Variants in EVL observed in about 807,000 individuals in gnomAD.
EVL encodes ena/VASP-like protein.
A neutral mutation model predicts 59.6 loss-of-function variants in EVL; 21 were observed. The observed-to-expected ratio is 0.35, with a 90% CI of 0.25 to 0.51. The LOEUF (loss-of-function observed/expected upper bound fraction) is 0.51. EVL is among the 20% of genes least tolerant of loss of function. The pLI, the probability that EVL is intolerant of heterozygous loss-of-function variation, is 0.97. For synonymous variants in EVL, 198 were observed against 203.5 expected, an observed-to-expected ratio of 0.97 and a Z score of 0.23; for missense variants, 462 against 546.6, an observed-to-expected ratio of 0.85 and a Z score of 1.54.
chr14:99,986,618 C>T (rs2140174670), intron 1 of EVL, among the ~76,000 whole-genome samples: 1 of 152,232 alleles, frequency 6.6e-6, no homozygotes, highest in East Asian at 1.9e-4. Context: ...GTAATAATTG[C>T]ACAAATATTT....
At position 100,006,023 on chromosome 14, in the gene EVL, C is replaced by CCG. The variant is rs1491188274; in HGVS notation, c.5+33966_5+33967insCG. Among the ~76,000 whole-genome samples the CCG allele has an allele frequency of 1.0e-3, 109 of 107,968 alleles. 1 individual carries two copies. The highest frequency in any genetic ancestry group is 3.3e-3 in the African/African-American group (104 of 31,362). 70.8% of individuals were successfully genotyped at this position (107,968 alleles called of 152,430 possible). A position where few individuals can be genotyped will look rare whatever the true frequency, so the allele number is the denominator to read the frequency against. ...TGCTGGCCATTTCCCCCCCCCCCCC[C>CCG]ACACCGACAACACTTTTGTGTGTGT... On this transcript the variant is annotated intron_variant, in intron 1 of 13. Transcript: ENST00000402714.
intron 1 of EVL, among the ~76,000 whole-genome samples, chr14:100,039,944 A>G (rs747942676): frequency 8.5e-5 from 13 of 152,130 alleles, no homozygotes; most frequent in Non-Finnish European, 8.8e-5. Context: ...ACACTGGGCT[A>G]ATTTTTTAAC....
rs577559402 is a variant in EVL, at chr14:100,043,293, A to ATG, written c.6-41378_6-41377dup. Among the ~76,000 whole-genome samples, 1,077 of 144,506 alleles carry ATG rather than the reference A, an allele frequency of 7.5e-3. 6 individuals carry two copies. The highest frequency in any genetic ancestry group is 0.024 in the Middle Eastern group (7 of 286). 94.8% of individuals were successfully genotyped at this position (144,506 alleles called of 152,430 possible). On this transcript the variant is annotated intron_variant, in intron 1 of 13. Transcript: ENST00000402714. ...TATATATATGTGTGTGTGTATATAT[A>ATG]TGTGTGTGTGTGTGTGTATATGTAT...
At chr14:100,052,448 C>T (rs73347830) in intron 1 of EVL, among the ~76,000 whole-genome samples, 6 of 152,038 alleles carry the variant, frequency 3.9e-5, no homozygotes, top group African/African-American at 1.2e-4. Flanking sequence ...TTGTAGATGT[C>T]ACCTTAAAAA....
intron 1 of EVL, among the ~76,000 whole-genome samples, chr14:99,979,627 T>C (rs1044352200): frequency 1.6e-4 from 24 of 152,038 alleles, no homozygotes; most frequent in Admixed American, 1.6e-3. Flanking sequence ...CCCAGCACTT[T>C]GGGAAGCTGA....
chr14:100,143,631 C>A, intron 13 of EVL, 70 bp from the exon 14 acceptor site: 1 of 1,587,256 alleles, frequency 6.3e-7, no homozygotes, highest in Non-Finnish European at 8.6e-7. Context: ...GCCAGGGGTG[C>A]GGGGCCCTGA....
In EVL at chr14:100,126,694, G is replaced by C. The variant is rs574394605; in HGVS notation, c.423-13G>C. The C allele has an allele frequency of 1.2e-4, 186 of 1,614,078 alleles. 3 individuals carry two copies. The South Asian group carries it at 1.9e-3, about 17-fold the overall frequency. On this transcript the variant is annotated splice_polypyrimidine_tract_variant and intron_variant, in intron 4 of 13. Coordinates refer to ENST00000392920, the MANE Select transcript of EVL (RefSeq NM_016337.3). ...TGGAGGAGTCAGACTGCCCTGCTGT[G>C]ATTACTTTCCAGACAAGTGATGGAG...
At chr14:100,003,970 C>T (rs764632374) in intron 1 of EVL, among the ~76,000 whole-genome samples, 4 of 152,026 alleles carry the variant, frequency 2.6e-5, no homozygotes, top group African/African-American at 7.2e-5. Flanking sequence ...TTTGGGAGGC[C>T]GAGGCAGTGG....
chr14:99,976,180 TTTTATTTATTTATTTATTTATTTA>T (rs141612796), intron 1 of EVL, among the ~76,000 whole-genome samples: 8 of 145,744 alleles, frequency 5.5e-5, no homozygotes, highest in African/African-American at 2.1e-4. Flanking sequence ...CATGGCCAGC[TTTTATTTATTTATTTATTTATTTA>T]TTTATTTATT....
intron 3 of EVL, among the ~76,000 whole-genome samples, chr14:100,113,391 C>T (rs1030758344): frequency 6.6e-6 from 1 of 152,180 alleles, no homozygotes; most frequent in Non-Finnish European, 1.5e-5. Context: ...TCTATATGCT[C>T]AGAACGGTGC....
chr14:100,027,119 T>C (rs1595580047), intron 1 of EVL, among the ~76,000 whole-genome samples: 1 of 152,344 alleles, frequency 6.6e-6, no homozygotes, highest in East Asian at 1.9e-4. Flanking sequence ...TTAATTATTA[T>C]AGATACTAAG....
At chr14:100,079,893 T>C (rs1484614511) in intron 1 of EVL, among the ~76,000 whole-genome samples, 1 of 152,080 alleles carries the variant, frequency 6.6e-6, no homozygotes, top group African/African-American at 2.4e-5. Flanking sequence ...TGCTGCAAGA[T>C]TTTTTCTGCA....
At chr14:100,061,971 A>T (rs1158376178), upstream of EVL, among the ~76,000 whole-genome samples, 1 of 151,838 alleles carries the variant, frequency 6.6e-6, no homozygotes, top group African/African-American at 2.4e-5. Context: ...AAGAAATTCC[A>T]TGTGCAAGTG....
chr14:100,035,133 T>C (rs558079589), intron 1 of EVL, among the ~76,000 whole-genome samples: 4 of 152,336 alleles, frequency 2.6e-5, no homozygotes, highest in African/African-American at 9.6e-5. Flanking sequence ...CCTCAAATTT[T>C]CTTTCTAAAT....
intron 1 of EVL, among the ~76,000 whole-genome samples, chr14:100,047,980 T>C (rs567115270): frequency 6.6e-6 from 1 of 152,218 alleles, no homozygotes; most frequent in Non-Finnish European, 1.5e-5. Flanking sequence ...TTCAAAGTGG[T>C]TCATAAATCT....
chr14:100,129,826 G>A (rs1566723562), intron 7 of EVL, 142 bp downstream of exon 7: 1 of 1,291,168 alleles, frequency 7.7e-7, no homozygotes, highest in Non-Finnish European at 1.0e-6. Flanking sequence ...TGTTACTTAA[G>A]TTTTCCCTTC....
At position 100,006,049 on chromosome 14, in the gene EVL, T is replaced by TG. The variant is rs2060978595; in HGVS notation, c.5+33997dup. ...ACACCGACAACACTTTTGTGTGTGT[T>TG]GGGGGTGAGGGGGATTTAGCCACTT... On this transcript the variant is annotated intron_variant, in intron 1 of 13. Transcript: ENST00000402714. Among the ~76,000 whole-genome samples the TG allele has an allele frequency of 2.0e-5, 3 of 147,764 alleles. No individual in the cohort carries two copies. In the Admixed American group the frequency reaches 2.0e-4, roughly 10 times the overall value.
chr14:100,090,878 C>G (rs1825556323), intron 2 of EVL, among the ~76,000 whole-genome samples: 1 of 152,190 alleles, frequency 6.6e-6, no homozygotes. Context: ...AATGTTCACT[C>G]TCACCTCTTT....
At chr14:100,009,309 C>T (rs2061001951) in intron 1 of EVL, among the ~76,000 whole-genome samples, 1 of 152,198 alleles carries the variant, frequency 6.6e-6, no homozygotes, top group African/African-American at 2.4e-5. Flanking sequence ...ATTTATTCCC[C>T]TCCTTGATCT....
Sources: allele counts gnomAD v4.1 joint callset (sites outside exome capture counted in the v4.1 genomes callset), GRCh38; gene constraint gnomAD v4.1.1; transcripts MANE v1.5; gene names NCBI Gene and HGNC (gene_info 2026-07-23, HGNC 2026-07-21).